HEATR9: variants seen among roughly 807,000 people sequenced by gnomAD.
HEATR9 encodes protein HEATR9.
HEATR9 carries 54 observed loss-of-function variants against 68.2 expected under a neutral mutation model. The ratio of observed to expected loss-of-function variants is 0.79; its 90% CI spans 0.64 to 0.99. The LOEUF (loss-of-function observed/expected upper bound fraction) is 0.99. HEATR9 is among the 50% of genes least tolerant of loss of function. The probability of loss-of-function intolerance (pLI) is 0.00; values close to 1 mark genes in which losing one functional copy is unlikely to be tolerated. For missense variants in HEATR9, 662 were observed against 679.7 expected (o/e 0.97, Z 0.29); for synonymous variants, 241 against 253.5 (o/e 0.95, Z 0.47).
At chr17:35,865,176 G>T (rs1433346065) in intron 3 of HEATR9, 39 bp downstream of exon 3, 4 of 1,591,010 alleles carry the variant, frequency 2.5e-6, no homozygotes, top group Non-Finnish European at 2.6e-6. Flanking sequence ...CCTAGAAGAT[G>T]TGGAGGGTGA....
intron 13 of HEATR9, 104 bp from the exon 14 acceptor site, chr17:35,855,854 G>T (rs1286343819): frequency 3.8e-5 from 36 of 955,578 alleles, no homozygotes; most frequent in Non-Finnish European, 5.7e-5. Context: ...CATAGAGAGG[G>T]GGGAGATAGG....
chr17:35,863,480 C>T (rs1164136856), intron 7 of HEATR9, 22 bp downstream of exon 7: 1 of 1,612,768 alleles, frequency 6.2e-7, no homozygotes, highest in East Asian at 2.2e-5. Flanking sequence ...CAACTCCCCA[C>T]CAAGGGAGAA....
intron 1 of HEATR9, among the ~76,000 whole-genome samples, chr17:35,867,183 C>T (rs1198904714): frequency 1.3e-5 from 2 of 151,974 alleles, no homozygotes; most frequent in Non-Finnish European, 2.9e-5. Flanking sequence ...TGGTGTGAAC[C>T]CGGGAGGCGG....
In HEATR9 at chr17:35,858,454, C is replaced by T; in HGVS notation, c.1011G>A (p.Leu337=). 1 of 1,614,136 alleles carries T rather than the reference C, an allele frequency of 6.2e-7. No homozygotes were observed. The highest frequency in any genetic ancestry group is 8.5e-7 in the Non-Finnish European group (1 of 1,180,002). ...TTACCTCAAGGACACTGGAAGAACA[C>T]AGCTGGTCTAGGATGGCCTTGATGA... The part of the protein sequence containing the change: ...APVIKAILDQ[L]CSSSVLEDRF... The change falls in exon 10 of 15, where the codon CTG becomes CTA. Residue 337 remains leucine, a synonymous_variant. Coordinates refer to ENST00000604834, the MANE Select transcript of HEATR9 (RefSeq NM_152781.4).
Position 35,856,179 on chromosome 17 carries a change from G to T in HEATR9, c.1272C>A (p.Ile424=). ...PDATARQEAV[I]SLGVLGIRSP... ...GAAGCAGAGCCTGCCTTACCAAAGA[G>T]ATGACTGCTTCCTGGCGTGCAGTGG... The change falls in exon 13 of 15, where the codon ATC becomes ATA. Residue 424 remains isoleucine (I), a synonymous_variant. Transcript: ENST00000604834. The T allele has an allele frequency of 1.2e-6, 2 of 1,614,080 alleles. No homozygotes were observed. The highest frequency in any genetic ancestry group is 1.7e-6 in the Non-Finnish European group (2 of 1,179,972).
At position 35,858,485 on chromosome 17, in the gene HEATR9, G is replaced by A; in HGVS notation, c.980C>T (p.Ala327Val). Residue 327 changes from alanine (A) to valine (V), a missense_variant, in exon 10 of 15, where the codon GCC becomes GTC. Transcript: ENST00000604834. ...MLVKVMHVHSAPVIKAILDQL... is the reference protein window; with the variant it reads ...MLVKVMHVHSVPVIKAILDQL... ...GTCTAGGATGGCCTTGATGACTGGG[G>A]CTGAGTGCACGTGCATCACCTTGAC... 1.2e-6 allele frequency: 2 copies of A among 1,614,094 alleles called. No individual in the cohort carries two copies. The highest frequency in any genetic ancestry group is 1.7e-6 in the Non-Finnish European group (2 of 1,180,018).
rs1345708356 is a variant in HEATR9 at position 35,865,364 on chromosome 17, C to T, written c.171G>A (p.Glu57=). 1 of 1,613,586 alleles carries T rather than the reference C, an allele frequency of 6.2e-7. No individual in the cohort carries two copies. The highest frequency in any genetic ancestry group is 8.5e-7 in the Non-Finnish European group (1 of 1,179,916). Residue 57 remains glutamate, a synonymous_variant, in exon 3 of 15, where the codon GAG becomes GAA. Transcript: ENST00000604834. ...GCTTGCTCGGATGCTGCCTCCAGCA[C>T]TCTGGACTTGGGGGAAACTCTTCCT... ...MPKEEFPPSP[E]CWRQHPSKPN...
Position 35,856,795 on chromosome 17 carries a change from T to G in HEATR9, c.1163A>C (p.Gln388Pro). 6.2e-7 allele frequency: 1 copy of G among 1,604,326 alleles called. No individual in the cohort carries two copies. Among genetic ancestry groups the G allele is most frequent in the Non-Finnish European group, 8.5e-7 (1 of 1,175,244 alleles). ...CTCTTCCACAGTTTGAGCCACAGCC[T>G]GCCTCACAGCCTGCAGAGGGATCAA... ...THNEPFLAVR[Q>P]AVAQTVEELK... The change falls in exon 12 of 15, where the codon CAG (glutamine) becomes CCG (proline). Residue 388 changes from glutamine (Q) to proline (P), a missense_variant. Physicochemically the swap from Gln to Pro is moderately conservative, Grantham distance 76. Transcript: ENST00000604834.
At chr17:35,860,405 A>C (rs1160238168) in intron 8 of HEATR9, among the ~76,000 whole-genome samples, 2 of 149,948 alleles carry the variant, frequency 1.3e-5, no homozygotes, top group East Asian at 3.9e-4. Flanking sequence ...AAAAAAAAAA[A>C]AACAAGAACT....
chr17:35,866,315 GA>G (rs2088197447), intron 2 of HEATR9, among the ~76,000 whole-genome samples: 1 of 151,816 alleles, frequency 6.6e-6, no homozygotes, highest in African/African-American at 2.4e-5. Context: ...GGTAATGAAT[GA>G]AATATTTGAG....
chr17:35,862,206 T>C (rs536305706), intron 8 of HEATR9, among the ~76,000 whole-genome samples: 1 of 152,266 alleles, frequency 6.6e-6, no homozygotes, highest in Admixed American at 6.5e-5. Flanking sequence ...TTGGTTATTA[T>C]GTGTCTCCCC....
rs2143998292 is a variant in HEATR9, at chr17:35,868,823, GAC to G, written c.-83_-82del. ...GGGGAGTGGGGGCACAGCTGGAGGAGACCTGTCCTCTGTGGTACGAGAGGTAC... is the reference window on the plus strand; with the variant it reads ...GGGGAGTGGGGGCACAGCTGGAGGAGCTGTCCTCTGTGGTACGAGAGGTAC... On this transcript the variant is annotated 5_prime_UTR_variant, in exon 1 of 15. Coordinates refer to ENST00000604834, the MANE Select transcript of HEATR9 (RefSeq NM_152781.4). 1 of 1,259,726 alleles carries G rather than the reference GAC, an allele frequency of 7.9e-7. No homozygotes were observed. The highest frequency in any genetic ancestry group is 2.3e-5 in the East Asian group (1 of 43,012). 78.0% of individuals were successfully genotyped at this position (1,259,726 alleles called of 1,614,324 possible). A position where few individuals can be genotyped will look rare whatever the true frequency, so the allele number is the denominator to read the frequency against.
Position 35,855,332 on chromosome 17 carries a change from A to G in HEATR9, c.1444T>C (p.Tyr482His), listed in dbSNP as rs1251653681. ...NKLKNKVLSV[Y>H]EAPKTNVKAE... Reference sequence around the variant, plus strand: ...TTCACATTGGTCTTAGGTGCCTCATATACAGAGAGAACCTTGTTTTTCAGC... The same window carrying G: ...TTCACATTGGTCTTAGGTGCCTCATGTACAGAGAGAACCTTGTTTTTCAGC... Residue 482 changes from tyrosine (Y) to histidine (H), a missense_variant, in exon 15 of 15, where the codon TAT (tyrosine) becomes CAT (histidine). Tyr to His is a moderately conservative substitution (Grantham distance 83). Coordinates refer to ENST00000604834, the MANE Select transcript of HEATR9 (RefSeq NM_152781.4). The G allele has an allele frequency of 3.7e-6, 6 of 1,614,020 alleles. No homozygotes were observed. Among genetic ancestry groups the G allele is most frequent in the Admixed American group, 1.7e-5 (1 of 60,000 alleles).
At position 35,856,803 on chromosome 17, in the gene HEATR9, A is replaced by G; in HGVS notation, c.1155T>C (p.Ala385=). 6.2e-7 allele frequency: 1 copy of G among 1,601,500 alleles called. No homozygotes were observed. The highest frequency in any genetic ancestry group is 8.5e-7 in the Non-Finnish European group (1 of 1,173,612). ...RRKTHNEPFL[A]VRQAVAQTVE... is the part of the protein sequence containing the mutation. ...CAGTTTGAGCCACAGCCTGCCTCAC[A>G]GCCTGCAGAGGGATCAAAATGAGTC... Residue 385 remains alanine, a splice_region_variant and synonymous_variant, in exon 12 of 15, where the codon GCT becomes GCC. Transcript: ENST00000604834.
chr17:35,866,631 G>C, intron 2 of HEATR9, 93 bp downstream of exon 2: 1 of 1,202,380 alleles, frequency 8.3e-7, no homozygotes, highest in Non-Finnish European at 1.2e-6. Context: ...TAAATGTCAG[G>C]GTTCTGTGAG....
chr17:35,864,391 T>G, intron 5 of HEATR9, 89 bp from the exon 6 acceptor site: 1 of 1,533,436 alleles, frequency 6.5e-7, no homozygotes, highest in South Asian at 1.1e-5. Flanking sequence ...GAGTTTGTGC[T>G]TGGAATACCA....
chr17:35,856,846 C>G lies in HEATR9; in HGVS notation c.1153-41G>C, dbSNP rs150471766. ...AATGAGTCAACAGAGAGAGGGAATGCAAGGGTGTACACTTAAGAGCCTCTC... is the reference window on the plus strand; with the variant it reads ...AATGAGTCAACAGAGAGAGGGAATGGAAGGGTGTACACTTAAGAGCCTCTC... On this transcript the variant is annotated intron_variant, in intron 11 of 14. Coordinates refer to ENST00000604834, the MANE Select transcript of HEATR9 (RefSeq NM_152781.4). 7.3e-6 allele frequency: 11 copies of G among 1,508,762 alleles called. No homozygotes were observed. The African/African-American group carries it at 1.2e-4, about 17-fold the overall frequency. The allele number at this position is 1,508,762 out of a possible 1,614,324, so 93.5% of individuals were successfully genotyped here.
chr17:35,857,829 T>C (rs1244180042), intron 11 of HEATR9, among the ~76,000 whole-genome samples: 1 of 151,966 alleles, frequency 6.6e-6, no homozygotes, highest in African/African-American at 2.4e-5. Flanking sequence ...CAAGGGAACA[T>C]AGAGGAAGGT....
intron 8 of HEATR9, 147 bp downstream of exon 8, chr17:35,862,848 T>C: frequency 8.6e-7 from 1 of 1,157,308 alleles, no homozygotes; most frequent in African/African-American, 1.5e-5. Context: ...TATGCTTCTA[T>C]TCAACTCCCG....
Sources: allele counts gnomAD v4.1 joint callset (sites outside exome capture counted in the v4.1 genomes callset), GRCh38; gene constraint gnomAD v4.1.1; transcripts MANE v1.5; gene names NCBI Gene and HGNC (gene_info 2026-07-23, HGNC 2026-07-21).